The following CP variants were observed in gnomAD, a reference collection of about 807,000 sequenced individuals.
CP encodes ceruloplasmin.
In CP, 64 loss-of-function variants were observed where a neutral mutation model predicts 122.4. That is an observed-to-expected ratio of 0.52 (90% CI 0.43 to 0.64). The LOEUF (loss-of-function observed/expected upper bound fraction) is 0.64. Ranked by LOEUF, CP falls within the 30% of genes least tolerant of loss-of-function variation. The pLI, the probability that CP is intolerant of heterozygous loss-of-function variation, is 0.00. For missense variants in CP, 1,167 were observed against 1,284.4 expected (o/e 0.91, Z 1.40); for synonymous variants, 440 against 436.4 (o/e 1.01, Z -0.10).
At position 149,167,141 on chromosome 3, in the gene CP, A is replaced by G. The variant is rs1724504932; in HGVS notation, c.587-1091T>C. ...TCAGTGTCCATGTTCTGTGTCGTAC[A>G]CGCTTGAAAGAGTATGAACAGTGCA... is the stretch of plus-strand genomic sequence containing the variant. On this transcript the variant is annotated intron_variant, in intron 4 of 5. Coordinates refer to the CP transcript ENST00000479771. 2.5e-6 allele frequency: 4 copies of G among 1,613,828 alleles called. No individual in the cohort carries two copies. Among genetic ancestry groups the G allele is most frequent in the African/African-American group, 1.3e-5 (1 of 74,936 alleles).
At chr3:149,206,524 T>C (rs1239342418) in intron 5 of CP, among the ~76,000 whole-genome samples, 185 bp from the exon 6 acceptor site, 5 of 152,224 alleles carry the variant, frequency 3.3e-5, no homozygotes, top group Non-Finnish European at 7.4e-5. Flanking sequence ...TTAAAACAGA[T>C]ATACTTTGTT....
intron 14 of CP, 57 bp from the exon 15 acceptor site, chr3:149,179,719 C>G: frequency 3.8e-6 from 3 of 779,572 alleles, no homozygotes; most frequent in Non-Finnish European, 4.4e-6. Flanking sequence ...TGTACACACA[C>G]ACACACACAC....
intron 2 of CP, among the ~76,000 whole-genome samples, chr3:149,210,690 A>T (rs1728049753): frequency 6.6e-6 from 1 of 152,194 alleles, no homozygotes; most frequent in Non-Finnish European, 1.5e-5. Flanking sequence ...CCTCTTCTAA[A>T]TTCAAAACTT....
At chr3:149,203,643 A>G (rs1727502233) in intron 6 of CP, among the ~76,000 whole-genome samples, 1 of 152,238 alleles carries the variant, frequency 6.6e-6, no homozygotes, top group African/African-American at 2.4e-5. Context: ...GCAAACGAAG[A>G]AATTAAATTT....
At chr3:149,202,879 G>A (rs983799877) in intron 6 of CP, among the ~76,000 whole-genome samples, 5 of 143,516 alleles carry the variant, frequency 3.5e-5, no homozygotes, top group African/African-American at 1.3e-4. Context: ...AAAGTGCTGG[G>A]ATTACAGGCA....
At chr3:149,184,951 A>G (rs1726052160) in intron 12 of CP, among the ~76,000 whole-genome samples, 1 of 152,236 alleles carries the variant, frequency 6.6e-6, no homozygotes, top group African/African-American at 2.4e-5. Flanking sequence ...GTTTGAATAT[A>G]AATGACAACA....
At chr3:149,193,811 G>A (rs1389695597) in intron 9 of CP, among the ~76,000 whole-genome samples, 1 of 152,114 alleles carries the variant, frequency 6.6e-6, no homozygotes, top group Non-Finnish European at 1.5e-5. Flanking sequence ...CAGTAGGGCA[G>A]GTATCATCTC....
intron 8 of CP, among the ~76,000 whole-genome samples, chr3:149,199,308 T>C (rs1053911631): frequency 1.3e-5 from 2 of 152,194 alleles, no homozygotes; most frequent in East Asian, 1.9e-4. Context: ...GGAAGAATTA[T>C]ATAAAAATAT....
chr3:149,168,048 T>C (rs965920990), downstream of CP: 24 of 953,706 alleles, frequency 2.5e-5, no homozygotes, highest in Non-Finnish European at 4.1e-5. Flanking sequence ...GGTGAAGCCT[T>C]CTTAAGTATT....
rs34443048 is a variant in CP at position 149,182,422 on chromosome 3, T to C, written c.2426-289A>G. 0.15 allele frequency among the ~76,000 whole-genome samples: 22,080 copies of C among 152,104 alleles called. 4,827 individuals are homozygous for C. Among genetic ancestry groups the C allele is most frequent in the African/African-American group, 0.48 (19,895 of 41,400 alleles). ...TGGCCAGGAGTCATTTATACCCCTC[T>C]CATTTCTACCCTTTATCCAATCTTA... On this transcript the variant is annotated intron_variant, in intron 13 of 18. Transcript: ENST00000264613.
At chr3:149,174,658 G>A (rs1725293709) in intron 18 of CP, among the ~76,000 whole-genome samples, 1 of 152,180 alleles carries the variant, frequency 6.6e-6, no homozygotes, top group Admixed American at 6.6e-5. Flanking sequence ...TATAGTCCCT[G>A]CCTGTAAGAA....
intron 9 of CP, among the ~76,000 whole-genome samples, chr3:149,191,163 T>C (rs1041291298): frequency 6.6e-6 from 1 of 152,104 alleles, no homozygotes; most frequent in Non-Finnish European, 1.5e-5. Flanking sequence ...CAAGGCTGCC[T>C]TTTTGAAATT....
chr3:149,177,870 T>C lies in CP; in HGVS notation c.2988A>G (p.Val996=). 6.2e-7 allele frequency: 1 copy of C among 1,613,842 alleles called. No individual in the cohort carries two copies. Among genetic ancestry groups the C allele is most frequent in the Non-Finnish European group, 8.5e-7 (1 of 1,179,720 alleles). Residue 996 remains valine (V), a synonymous_variant, in exon 17 of 19, where the codon GTA becomes GTG. Coordinates refer to ENST00000264613, the MANE Select transcript of CP (RefSeq NM_000096.4). ...GMGNEIDLHT[V]HFHGHSFQYK... ...ATTGGAAGCTATGGCCGTGAAAATGTACAGTGTGTAAGTCTATTTCATTGC... is the reference window on the plus strand; with the variant it reads ...ATTGGAAGCTATGGCCGTGAAAATGCACAGTGTGTAAGTCTATTTCATTGC...
At chr3:149,175,472 ATTTGTATGTTCCC>A (rs973100186) in intron 18 of CP, among the ~76,000 whole-genome samples, 8 of 152,162 alleles carry the variant, frequency 5.3e-5, no homozygotes, top group African/African-American at 1.9e-4. Flanking sequence ...TATTTTCTTC[ATTTGTATGTTCCC>A]TTTTTCCCCA....
chr3:149,181,987 C>G lies in CP; in HGVS notation c.2554+18G>C. On this transcript the variant is annotated intron_variant, in intron 14 of 18. Transcript: ENST00000264613. ...GCCTGTTAAAATGCACCACCCCCAC[C>G]CCCGCCCCCGTGAGTACCTGGTAAT... The G allele has an allele frequency of 3.3e-6, 2 of 610,068 alleles. No individual in the cohort carries two copies. The highest frequency in any genetic ancestry group is 1.4e-5 in the South Asian group (1 of 71,448). The allele number at this position is 610,068 out of a possible 1,614,324, so 37.8% of individuals were successfully genotyped here. A position where few individuals can be genotyped will look rare whatever the true frequency, so the allele number is the denominator to read the frequency against.
chr3:149,171,429 A>AACAG (rs59067716), downstream of CP, among the ~76,000 whole-genome samples: 1 of 152,094 alleles, frequency 6.6e-6, no homozygotes, highest in Non-Finnish European at 1.5e-5. Flanking sequence ...TATCCTATCA[A>AACAG]TCTTTATAAA....
At position 149,172,610 on chromosome 3, in the gene CP, G is replaced by A. The variant is rs1725114104; in HGVS notation, c.*1104C>T. 2 of 160,042 alleles carry A rather than the reference G, an allele frequency of 1.2e-5. No individual in the cohort carries two copies. Among genetic ancestry groups the A allele is most frequent in the African/African-American group, 2.4e-5 (1 of 41,544 alleles). 9.9% of individuals were successfully genotyped at this position (160,042 alleles called of 1,614,324 possible). On this transcript the variant is annotated 3_prime_UTR_variant, in exon 19 of 19. Transcript: ENST00000264613. ...AACACTTTAAGGAAACATTTTACAA[G>A]TATGCTTGAAAGAATGTCACTAACT...
intron 14 of CP, among the ~76,000 whole-genome samples, chr3:149,180,708 C>T (rs1308244725): frequency 6.6e-6 from 1 of 152,200 alleles, no homozygotes; most frequent in Non-Finnish European, 1.5e-5. Context: ...CAGAAAATTT[C>T]ACTAGAATAT....
chr3:149,190,484 C>A (rs1342997624), intron 9 of CP, among the ~76,000 whole-genome samples: 1 of 151,932 alleles, frequency 6.6e-6, no homozygotes, highest in African/African-American at 2.4e-5. Flanking sequence ...ATGGTGAAAC[C>A]CCATCTCTAC....
Sources: allele counts gnomAD v4.1 joint callset (sites outside exome capture counted in the v4.1 genomes callset), GRCh38; gene constraint gnomAD v4.1.1; transcripts MANE v1.5; gene names NCBI Gene and HGNC (gene_info 2026-07-23, HGNC 2026-07-21).